Variants in BMPR1B observed in about 807,000 individuals in gnomAD.
The protein encoded by BMPR1B is bone morphogenetic protein receptor type-1B.
BMPR1B carries 12 observed loss-of-function variants against 59.1 expected under a neutral mutation model. The observed-to-expected ratio is 0.20, with a 90% CI of 0.13 to 0.33. The LOEUF (loss-of-function observed/expected upper bound fraction) is 0.33, where lower values mean the gene tolerates loss of function less well. BMPR1B is among the 10% of genes least tolerant of loss of function. The pLI, the probability that BMPR1B is intolerant of heterozygous loss-of-function variation, is 1.00. For synonymous variants in BMPR1B, 237 were observed against 207.3 expected (o/e 1.14, Z -1.23); for missense variants, 550 against 610.9 (o/e 0.90, Z 1.05).
Position 95,158,248 on chromosome 4 carries a change from C to G in BMPR1B, c.*3575C>G, listed in dbSNP as rs1008984924. On this transcript the variant is annotated 3_prime_UTR_variant, in exon 13 of 13. Transcript: ENST00000515059. ...GCCATATTTTTTGGAGAAAAGTTGG[C>G]AATATAGGGGTTTCGTTGTCTGTTT... 1.3e-5 allele frequency: 2 copies of G among 152,028 alleles called. No individual in the cohort carries two copies. The highest frequency in any genetic ancestry group is 4.8e-5 in the African/African-American group (2 of 41,396). The allele number at this position is 152,028 out of a possible 1,614,324, so 9.4% of individuals were successfully genotyped here.
At chr4:95,041,860 C>CT (rs199591225) in intron 3 of BMPR1B, among the ~76,000 whole-genome samples, 4,351 of 146,416 alleles carry the variant, frequency 0.03, 100 homozygotes, top group Middle Eastern at 0.07. Flanking sequence ...AAATCCAAAA[C>CT]TTTTTTTTTT....
chr4:95,085,743 A>G (rs539222169), intron 3 of BMPR1B, among the ~76,000 whole-genome samples: 4 of 152,308 alleles, frequency 2.6e-5, no homozygotes, highest in Middle Eastern at 3.4e-3. Flanking sequence ...GTGCCGTGGT[A>G]TATCCTGTTT....
intron 1 of BMPR1B, among the ~76,000 whole-genome samples, chr4:94,833,470 CCTTTT>C (rs1489805913): frequency 1.3e-5 from 2 of 152,094 alleles, no homozygotes; most frequent in Non-Finnish European, 2.9e-5. Context: ...TCATTAAGCT[CCTTTT>C]ATTTTATTAT....
At chr4:95,112,113 C>T (rs1731671574) in intron 4 of BMPR1B, among the ~76,000 whole-genome samples, 1 of 152,052 alleles carries the variant, frequency 6.6e-6, no homozygotes, top group Non-Finnish European at 1.5e-5. Flanking sequence ...CATCAATTGT[C>T]TTTTTATTTC....
chr4:95,095,677 AATG>A (rs763577805), intron 3 of BMPR1B, among the ~76,000 whole-genome samples: 70 of 152,216 alleles, frequency 4.6e-4, no homozygotes, highest in Non-Finnish European at 8.5e-4. Context: ...TATGACACAA[AATG>A]ATTATATGTC....
intron 3 of BMPR1B, among the ~76,000 whole-genome samples, chr4:95,039,260 A>T (rs1238754906): frequency 6.6e-6 from 1 of 152,136 alleles, no homozygotes; most frequent in Non-Finnish European, 1.5e-5. Flanking sequence ...TTTCGTGCAC[A>T]TTAAATATCT....
intron 1 of BMPR1B, among the ~76,000 whole-genome samples, chr4:94,789,960 A>T (rs984885767): frequency 1.3e-5 from 2 of 152,180 alleles, no homozygotes; most frequent in Admixed American, 1.3e-4. Flanking sequence ...GACGATGAGG[A>T]TGAAGACCTT....
At chr4:94,986,650 A>T (rs1474769314) in intron 2 of BMPR1B, among the ~76,000 whole-genome samples, 3 of 152,116 alleles carry the variant, frequency 2.0e-5, no homozygotes, top group Non-Finnish European at 4.4e-5. Flanking sequence ...TTATATGTGA[A>T]CCAAACAAGA....
At chr4:94,808,894 A>T (rs1362567744) in intron 1 of BMPR1B, among the ~76,000 whole-genome samples, 2 of 152,022 alleles carry the variant, frequency 1.3e-5, no homozygotes, top group Non-Finnish European at 2.9e-5. Flanking sequence ...ATCTCTACTA[A>T]AAATACAAAA....
chr4:95,062,618 A>T (rs560644349), intron 3 of BMPR1B, among the ~76,000 whole-genome samples: 1 of 152,304 alleles, frequency 6.6e-6, no homozygotes, highest in East Asian at 1.9e-4. Context: ...AAGAAACGTG[A>T]TCTGCAGCTG....
chr4:95,108,524 A>G (rs1579090832), intron 4 of BMPR1B, among the ~76,000 whole-genome samples: 1 of 152,092 alleles, frequency 6.6e-6, no homozygotes, highest in South Asian at 2.1e-4. Context: ...ATGCTAATTT[A>G]GAGGACATGT....
intron 2 of BMPR1B, among the ~76,000 whole-genome samples, chr4:94,887,733 T>C (rs1727238940): frequency 6.6e-6 from 1 of 151,792 alleles, no homozygotes; most frequent in East Asian, 1.9e-4. Context: ...AAATGGGTCA[T>C]AGAGAAAGTG....
At chr4:95,051,874 A>T in intron 3 of BMPR1B, 1 of 1,199,928 alleles carries the variant, frequency 8.3e-7, no homozygotes, top group Non-Finnish European at 1.2e-6. Flanking sequence ...CAGAAGTTCA[A>T]TGTCTATAAA....
intron 3 of BMPR1B, among the ~76,000 whole-genome samples, chr4:95,094,655 A>G (rs1330337970): frequency 6.6e-6 from 1 of 152,136 alleles, no homozygotes; most frequent in Admixed American, 6.6e-5. Flanking sequence ...TAAGGAAGTT[A>G]GTTAAGTCAC....
chr4:95,103,375 A>T, intron 3 of BMPR1B: 2 of 883,436 alleles, frequency 2.3e-6, no homozygotes, highest in South Asian at 5.2e-5. Context: ...ATTTTTTAAT[A>T]TTTTTGTTGA....
At chr4:94,942,923 A>G (rs1437542693) in intron 2 of BMPR1B, among the ~76,000 whole-genome samples, 1 of 152,218 alleles carries the variant, frequency 6.6e-6, no homozygotes, top group African/African-American at 2.4e-5. Flanking sequence ...TATACATGAT[A>G]CTGTATTGTA....
At chr4:94,954,439 A>C (rs1033622657) in intron 2 of BMPR1B, among the ~76,000 whole-genome samples, 5 of 152,232 alleles carry the variant, frequency 3.3e-5, no homozygotes, top group Admixed American at 2.0e-4. Context: ...CATATCATTA[A>C]GGCTGCCACA....
In BMPR1B at chr4:94,858,386, T is replaced by C. The variant is rs1015968163; in HGVS notation, c.-182-17445T>C. Among the ~76,000 whole-genome samples the C allele has an allele frequency of 4.6e-5, 7 of 152,180 alleles. No individual in the cohort carries two copies. The East Asian group carries it at 7.7e-4, about 17-fold the overall frequency. On this transcript the variant is annotated intron_variant, in intron 1 of 12. Coordinates refer to ENST00000515059, the MANE Select transcript of BMPR1B (RefSeq NM_001203.3). ...AAAAATATATAGCAAGTAAAAAATA[T>C]AGAAAATAAATTTGGCTATAAAACT...
At chr4:94,966,136 T>G (rs1316354778) in intron 2 of BMPR1B, among the ~76,000 whole-genome samples, 1 of 152,192 alleles carries the variant, frequency 6.6e-6, no homozygotes, top group Non-Finnish European at 1.5e-5. Context: ...CACCACATGT[T>G]AAAGTGGCAA....
Sources: gnomAD v4.1 joint callset for allele counts (sites outside exome capture counted in the v4.1 genomes callset) on GRCh38, gnomAD v4.1.1 for gene constraint, MANE v1.5 for transcripts, NCBI Gene and HGNC (gene_info 2026-07-23, HGNC 2026-07-21) for gene names.